The following EYA1 variants were observed in gnomAD, a reference collection of about 807,000 sequenced individuals.
EYA1 encodes protein phosphatase EYA1.
Under a neutral mutation model 82.0 loss-of-function variants are expected in EYA1, and 16 were observed. The ratio of observed to expected loss-of-function variants is 0.20; its 90% CI spans 0.13 to 0.30. The LOEUF (loss-of-function observed/expected upper bound fraction) is 0.30. Among genes scored for constraint, EYA1 ranks in the 10% least tolerant of loss-of-function variants. The pLI, the probability that EYA1 is intolerant of heterozygous loss-of-function variation, is 1.00. For missense variants in EYA1, 633 were observed against 730.7 expected, an observed-to-expected ratio of 0.87 and a Z score of 1.54; for synonymous variants, 261 against 264.4, an observed-to-expected ratio of 0.99 and a Z score of 0.12.
chr8:71,500,022 G>A (rs966780544), intron 2 of EYA1, among the ~76,000 whole-genome samples: 5 of 152,148 alleles, frequency 3.3e-5, no homozygotes, highest in African/African-American at 1.2e-4. Flanking sequence ...AGACTGTCAG[G>A]GTGAATGGGA....
chr8:71,259,725 T>G (rs1586047005), intron 11 of EYA1, among the ~76,000 whole-genome samples: 2 of 152,314 alleles, frequency 1.3e-5, no homozygotes, highest in East Asian at 3.9e-4. Flanking sequence ...GATAGAAAGT[T>G]GAAGGGAAAC....
At chr8:71,447,208 T>G (rs1806961114) in intron 2 of EYA1, among the ~76,000 whole-genome samples, 1 of 152,010 alleles carries the variant, frequency 6.6e-6, no homozygotes, top group Non-Finnish European at 1.5e-5. Flanking sequence ...TTTGGGGTCT[T>G]CAGCTTTCTC....
At chr8:71,435,019 CA>C (rs1054425395) in intron 2 of EYA1, among the ~76,000 whole-genome samples, 1 of 151,944 alleles carries the variant, frequency 6.6e-6, no homozygotes, top group Non-Finnish European at 1.5e-5. Context: ...TTTATAGACT[CA>C]AAAAAATATG....
In EYA1 at chr8:71,361,838, G is replaced by T. The variant is rs1256846532; in HGVS notation, c.-246C>A. The T allele has an allele frequency of 1.0e-6, 1 of 985,330 alleles. No homozygotes were observed. The highest frequency in any genetic ancestry group is 6.1e-5 in the Admixed American group (1 of 16,268). 61.0% of individuals were successfully genotyped at this position (985,330 alleles called of 1,614,324 possible). A position where few individuals can be genotyped will look rare whatever the true frequency, so the allele number is the denominator to read the frequency against. ...GGAAAGCTCGGCGCAGGGGGCAGGC[G>T]CCTGGCCGCTGCCGCAGGCTCGGGC... On this transcript the variant is annotated 5_prime_UTR_variant, in exon 1 of 18. Coordinates refer to ENST00000340726, the MANE Select transcript of EYA1 (RefSeq NM_000503.6).
Position 71,289,814 on chromosome 8 carries a change from A to G in EYA1, c.826+9233T>C, listed in dbSNP as rs1818798328. Among the ~76,000 whole-genome samples, 3 of 152,198 alleles carry G rather than the reference A, an allele frequency of 2.0e-5. No individual in the cohort carries two copies. In the South Asian group the frequency reaches 6.2e-4, roughly 31 times the overall value. Reference sequence around the variant, plus strand: ...AGCCACTGTTAAATCTGTATATATAACCCACAACAAAAATACTTACTGAAA... The same window carrying G: ...AGCCACTGTTAAATCTGTATATATAGCCCACAACAAAAATACTTACTGAAA... On this transcript the variant is annotated intron_variant, in intron 9 of 17. Coordinates refer to ENST00000340726, the MANE Select transcript of EYA1 (RefSeq NM_000503.6).
intron 2 of EYA1, among the ~76,000 whole-genome samples, chr8:71,493,978 C>G (rs1233219196): frequency 3.8e-5 from 5 of 131,544 alleles, no homozygotes; most frequent in African/African-American, 1.4e-4. Context: ...AGCCGAGATC[C>G]CGCCACTGCA....
rs753833101 is a variant in EYA1, at chr8:71,356,521, G to C, written c.-54-10C>G. ...CTTGAGATGTTTGCACCTGTGATCA[G>C]GGGTAAAAAAATTAGAAGATGTTGT... On this transcript the variant is annotated splice_polypyrimidine_tract_variant and intron_variant, in intron 1 of 17. Transcript: ENST00000340726. 1.9e-6 allele frequency: 3 copies of C among 1,565,592 alleles called. No homozygotes were observed. The highest frequency in any genetic ancestry group is 1.7e-6 in the Non-Finnish European group (2 of 1,154,388).
chr8:71,354,665 G>A (rs1014187869), intron 3 of EYA1, 117 bp downstream of exon 3: 1 of 994,020 alleles, frequency 1.0e-6, no homozygotes, highest in African/African-American at 1.6e-5. Flanking sequence ...TACCTAAAGG[G>A]GAAATATAAG....
chr8:71,462,006 G>C (rs1041875541), intron 2 of EYA1, among the ~76,000 whole-genome samples: 4 of 152,100 alleles, frequency 2.6e-5, no homozygotes, highest in African/African-American at 9.7e-5. Flanking sequence ...CATGCTGCTT[G>C]GTTCATGGGT....
chr8:71,447,482 T>C, intron 2 of EYA1, among the ~76,000 whole-genome samples: 1 of 152,238 alleles, frequency 6.6e-6, no homozygotes, highest in Non-Finnish European at 1.5e-5. Flanking sequence ...CCTAGTTGTT[T>C]GCACCTCTAA....
At chr8:71,379,404 G>T (rs1369688339) in intron 2 of EYA1, among the ~76,000 whole-genome samples, 1 of 151,952 alleles carries the variant, frequency 6.6e-6, no homozygotes, top group African/African-American at 2.4e-5. Flanking sequence ...CCAGGGAGAG[G>T]GATGAGCAAA....
At chr8:71,333,337 T>A (rs1273337763) in intron 4 of EYA1, among the ~76,000 whole-genome samples, 1 of 152,148 alleles carries the variant, frequency 6.6e-6, no homozygotes, top group Non-Finnish European at 1.5e-5. Context: ...CTTGAGTAAA[T>A]CAATCACAAC....
intron 17 of EYA1, among the ~76,000 whole-genome samples, chr8:71,209,050 C>A (rs1325421939): frequency 6.6e-6 from 1 of 152,190 alleles, no homozygotes; most frequent in Non-Finnish European, 1.5e-5. Context: ...CTGGTAGATA[C>A]CAGAGGGAGA....
chr8:71,234,386 C>T (rs1811581311), intron 12 of EYA1, among the ~76,000 whole-genome samples: 1 of 152,188 alleles, frequency 6.6e-6, no homozygotes, highest in Admixed American at 6.5e-5. Flanking sequence ...CAGCCCTCAT[C>T]CTCTTCTCAA....
At chr8:71,416,069 A>G (rs1053730831) in intron 2 of EYA1, among the ~76,000 whole-genome samples, 2 of 151,682 alleles carry the variant, frequency 1.3e-5, no homozygotes. Flanking sequence ...ATCTCTACAG[A>G]CTCTCTCTCC....
chr8:71,398,961 C>A (rs898645645), intron 2 of EYA1, among the ~76,000 whole-genome samples: 3 of 152,236 alleles, frequency 2.0e-5, no homozygotes, highest in Non-Finnish European at 2.9e-5. Flanking sequence ...AGCTTCCTGG[C>A]CGCTTTGTTT....
chr8:71,422,417 C>T (rs1037166672), intron 2 of EYA1, among the ~76,000 whole-genome samples: 10 of 152,160 alleles, frequency 6.6e-5, no homozygotes, highest in African/African-American at 2.2e-4. Flanking sequence ...ATACTTGCTT[C>T]TGTTGTTTCT....
chr8:71,266,010 CT>C (rs988178627), intron 11 of EYA1, among the ~76,000 whole-genome samples: 18 of 152,204 alleles, frequency 1.2e-4, no homozygotes, highest in South Asian at 2.1e-4. Context: ...CATTCTCAAA[CT>C]TTTTTTTGGT....
Position 71,385,036 on chromosome 8 carries a change from G to T in EYA1, c.34-28525C>A, listed in dbSNP as rs549749405. On this transcript the variant is annotated intron_variant, in intron 2 of 18. Coordinates refer to the EYA1 transcript ENST00000643681. ...TTATTTTTTATTTTTTTGAGACAGC[G>T]TCTCACTCTGTCACCCAGGCTGGAG... Among the ~76,000 whole-genome samples the T allele has an allele frequency of 1.1e-4, 17 of 151,492 alleles. No individual in the cohort carries two copies. The East Asian group carries it at 2.3e-3, about 21-fold the overall frequency.
Sources: allele counts gnomAD v4.1 joint callset (sites outside exome capture counted in the v4.1 genomes callset), GRCh38; gene constraint gnomAD v4.1.1; transcripts MANE v1.5; gene names NCBI Gene and HGNC (gene_info 2026-07-23, HGNC 2026-07-21).